The following OPCML variants were observed in gnomAD, a reference collection of about 807,000 sequenced individuals.
The protein encoded by OPCML is opioid binding protein/cell adhesion molecule like.
OPCML carries 13 observed loss-of-function variants against 37.8 expected under a neutral mutation model. That is an observed-to-expected ratio of 0.34 (90% CI 0.22 to 0.55). The LOEUF (loss-of-function observed/expected upper bound fraction) is 0.55. OPCML is among the 20% of genes least tolerant of loss of function. The pLI, the probability that OPCML is intolerant of heterozygous loss-of-function variation, is 0.91. For synonymous variants in OPCML, 176 were observed against 168.8 expected (o/e 1.04, Z -0.33); for missense variants, 341 against 435.6 (o/e 0.78, Z 1.93).
intron 2 of OPCML, among the ~76,000 whole-genome samples, chr11:132,892,958 T>C (rs1943707767): frequency 6.6e-6 from 1 of 152,206 alleles, no homozygotes; most frequent in Non-Finnish European, 1.5e-5. Context: ...TTTCATGTAC[T>C]ACTCTCCTTC....
rs191510630 is a variant in OPCML, at chr11:132,762,171, C to T, written c.147-104852G>A. 2.8e-3 allele frequency among the ~76,000 whole-genome samples: 431 copies of T among 152,346 alleles called. 4 individuals carry two copies. Among genetic ancestry groups the T allele is most frequent in the African/African-American group, 9.7e-3 (405 of 41,594 alleles). Reference sequence around the variant, plus strand: ...GAACAGCGAAGATTGCTGCCTGCTCCTTCCTCTGGAAGCTTCATCCCAAAG... The same window carrying T: ...GAACAGCGAAGATTGCTGCCTGCTCTTTCCTCTGGAAGCTTCATCCCAAAG... On this transcript the variant is annotated intron_variant, in intron 2 of 7. Coordinates refer to ENST00000524381, the MANE Select transcript of OPCML (RefSeq NM_001012393.5).
At chr11:133,421,500 T>A in intron 1 of OPCML, 1 of 985,438 alleles carries the variant, frequency 1.0e-6, no homozygotes, top group Non-Finnish European at 1.2e-6. Context: ...AACACTTTAA[T>A]TATTTTTCCT....
chr11:132,490,873 G>A (rs1286429607), intron 4 of OPCML, among the ~76,000 whole-genome samples: 1 of 151,028 alleles, frequency 6.6e-6, no homozygotes, highest in East Asian at 2.0e-4. Context: ...GTCTAAAGAT[G>A]TTTCACGTTT....
Position 133,142,097 on chromosome 11 carries a change from A to G in OPCML, c.62-199087T>C, listed in dbSNP as rs533341921. Among the ~76,000 whole-genome samples the G allele has an allele frequency of 9.2e-5, 14 of 152,370 alleles. 1 individual carries two copies. The highest frequency in any genetic ancestry group is 3.4e-3 in the Middle Eastern group (1 of 294). ...TTAGTTGGTTGTGTGTTAATTCTCAATAAGTAGTACTTATTAATATTATTT... is the reference window on the plus strand; with the variant it reads ...TTAGTTGGTTGTGTGTTAATTCTCAGTAAGTAGTACTTATTAATATTATTT... On this transcript the variant is annotated intron_variant, in intron 1 of 7. Coordinates refer to ENST00000524381, the MANE Select transcript of OPCML (RefSeq NM_001012393.5).
Position 132,519,390 on chromosome 11 carries a change from C to T in OPCML, c.505+9671G>A, listed in dbSNP as rs533143305. Among the ~76,000 whole-genome samples the T allele has an allele frequency of 1.1e-4, 16 of 152,142 alleles. No individual in the cohort carries two copies. In the South Asian group the frequency reaches 3.1e-3, roughly 30 times the overall value. ...GACGCTTGCTGAAGGCATCCCTCTGCTAGGATAGATTGCTCTGCCATCCTC... is the reference window on the plus strand; with the variant it reads ...GACGCTTGCTGAAGGCATCCCTCTGTTAGGATAGATTGCTCTGCCATCCTC... On this transcript the variant is annotated intron_variant, in intron 4 of 7. Coordinates refer to ENST00000524381, the MANE Select transcript of OPCML (RefSeq NM_001012393.5).
intron 1 of OPCML, among the ~76,000 whole-genome samples, chr11:133,438,884 C>T (rs1946299289): frequency 6.6e-6 from 1 of 152,130 alleles, no homozygotes; most frequent in Non-Finnish European, 1.5e-5. Context: ...TCAGAGTGCT[C>T]CCAGGTTGGT....
At chr11:132,653,695 AG>A (rs1340319407) in intron 3 of OPCML, among the ~76,000 whole-genome samples, 1 of 152,192 alleles carries the variant, frequency 6.6e-6, no homozygotes, top group Non-Finnish European at 1.5e-5. Context: ...AGGAAAGGGC[AG>A]GCAGGAAAGT....
At chr11:132,466,907 C>T (rs544205796) in intron 4 of OPCML, among the ~76,000 whole-genome samples, 4 of 152,224 alleles carry the variant, frequency 2.6e-5, no homozygotes, top group South Asian at 2.1e-4. Context: ...TATTATAATG[C>T]TGTGGCTTCA....
At chr11:132,443,056 C>G (rs1401839897) in intron 4 of OPCML, among the ~76,000 whole-genome samples, 1 of 152,232 alleles carries the variant, frequency 6.6e-6, no homozygotes, top group Non-Finnish European at 1.5e-5. Context: ...CTCTAAGCAT[C>G]TCCACCCTGA....
intron 2 of OPCML, among the ~76,000 whole-genome samples, chr11:132,827,011 T>G (rs1940388106): frequency 6.6e-6 from 1 of 152,202 alleles, no homozygotes; most frequent in Admixed American, 6.5e-5. Context: ...CAGATCCTTC[T>G]TAGCACTTTG....
At chr11:132,975,078 G>A (rs1946427678) in intron 1 of OPCML, among the ~76,000 whole-genome samples, 1 of 151,620 alleles carries the variant, frequency 6.6e-6, no homozygotes, top group African/African-American at 2.4e-5. Context: ...TCTCTCCACA[G>A]TTACTGCGCA....
intron 4 of OPCML, among the ~76,000 whole-genome samples, chr11:132,486,607 T>A (rs2096200581): frequency 1.3e-5 from 2 of 152,200 alleles, no homozygotes. Flanking sequence ...AGCCATTGTC[T>A]CATAAATTTA....
chr11:133,141,048 C>CGAAGAAGAAGAA (rs1161324241), intron 1 of OPCML, among the ~76,000 whole-genome samples: 377 of 5,786 alleles, frequency 0.065, 176 homozygotes, highest in Non-Finnish European at 0.12. Flanking sequence ...ACGACGACGA[C>CGAAGAAGAAGAA]GAAGAAGAAG....
At chr11:132,819,506 T>G (rs557155607) in intron 2 of OPCML, among the ~76,000 whole-genome samples, 14 of 152,218 alleles carry the variant, frequency 9.2e-5, no homozygotes, top group Non-Finnish European at 1.9e-4. Flanking sequence ...ACCCAATAGA[T>G]GAATTTAATA....
intron 2 of OPCML, among the ~76,000 whole-genome samples, chr11:132,678,635 G>A (rs1222824464): frequency 1.3e-5 from 2 of 152,140 alleles, no homozygotes; most frequent in Non-Finnish European, 2.9e-5. Context: ...AATTTGAAAA[G>A]GCTACATATT....
Position 132,804,599 on chromosome 11 carries a change from C to T in OPCML, c.146+138327G>A, listed in dbSNP as rs545598937. 1.1e-3 allele frequency among the ~76,000 whole-genome samples: 165 copies of T among 152,226 alleles called. 1 individual carries two copies. Among genetic ancestry groups the T allele is most frequent in the African/African-American group, 3.4e-3 (140 of 41,526 alleles). On this transcript the variant is annotated intron_variant, in intron 2 of 7. Coordinates refer to ENST00000524381, the MANE Select transcript of OPCML (RefSeq NM_001012393.5). ...ATGATGAGATCTACCCCTTAGCACACGAAGTCTAGTTGAGAGACCAAAATG... is the reference window on the plus strand; with the variant it reads ...ATGATGAGATCTACCCCTTAGCACATGAAGTCTAGTTGAGAGACCAAAATG...
chr11:133,433,520 G>A (rs540476517), intron 1 of OPCML, among the ~76,000 whole-genome samples: 1 of 152,242 alleles, frequency 6.6e-6, no homozygotes, highest in South Asian at 2.1e-4. Flanking sequence ...CGGTGCCTGC[G>A]ATTAAAGTGC....
intron 1 of OPCML, among the ~76,000 whole-genome samples, chr11:133,027,982 A>T (rs572788652): frequency 1.3e-5 from 2 of 151,810 alleles, no homozygotes; most frequent in Non-Finnish European, 2.9e-5. Flanking sequence ...ACATGTAGTG[A>T]ATAAATATTT....
intron 1 of OPCML, among the ~76,000 whole-genome samples, chr11:133,495,331 T>C (rs1947762050): frequency 6.6e-6 from 1 of 152,238 alleles, no homozygotes; most frequent in Non-Finnish European, 1.5e-5. Context: ...GGTTCCACGA[T>C]TTTGCAATTG....
Sources: allele counts gnomAD v4.1 joint callset (sites outside exome capture counted in the v4.1 genomes callset), GRCh38; gene constraint gnomAD v4.1.1; transcripts MANE v1.5; gene names NCBI Gene and HGNC (gene_info 2026-07-23, HGNC 2026-07-21).